Variants in TENM3 observed in about 807,000 individuals in gnomAD.
TENM3 encodes teneurin-3.
Under a neutral mutation model 255.1 loss-of-function variants are expected in TENM3, and 63 were observed. The ratio of observed to expected loss-of-function variants is 0.25; its 90% confidence interval spans 0.20 to 0.30. TENM3 has a LOEUF of 0.30. Ranked by LOEUF, TENM3 falls within the 10% of genes least tolerant of loss-of-function variation. TENM3 has a pLI of 1.00. For missense variants in TENM3, 2,929 were observed against 3,461.1 expected, an observed-to-expected ratio of 0.85 and a Z score of 3.86; for synonymous variants, 1,306 against 1,322.3, an observed-to-expected ratio of 0.99 and a Z score of 0.27.
Position 182,649,377 on chromosome 4 carries a change from A to T in TENM3, c.989-4394A>T, listed in dbSNP as rs1321853685. ...AAACACACTGATAAATATATATCTC[A>T]GATAGGCAGTATTGCTGTCATCTAC... On this transcript the variant is annotated intron_variant, in intron 5 of 27. Coordinates refer to ENST00000511685, the MANE Select transcript of TENM3 (RefSeq NM_001080477.4). 1.3e-5 allele frequency among the ~76,000 whole-genome samples: 2 copies of T among 150,572 alleles called. 1 individual carries two copies. The highest frequency in any genetic ancestry group is 3.0e-5 in the Non-Finnish European group (2 of 67,378).
At chr4:181,494,191 T>C in the TENM3 span, among the ~76,000 whole-genome samples, 1 of 152,248 alleles carries the variant, frequency 6.6e-6, no homozygotes, top group Non-Finnish European at 1.5e-5. Flanking sequence ...TAATGACTTA[T>C]ATTCTCCATC....
Position 182,553,264 on chromosome 4 carries a change from T to C in TENM3, c.512-47660T>C, listed in dbSNP as rs529788315. Among the ~76,000 whole-genome samples the C allele has an allele frequency of 7.2e-5, 11 of 151,858 alleles. No homozygotes were observed. The East Asian group carries it at 2.1e-3, about 30-fold the overall frequency. ...CAAGAGCCACCACGCCCAGCAGTGC[T>C]TCTATAGTCTTCATAAATCGTTTAG... On this transcript the variant is annotated intron_variant, in intron 3 of 27. Transcript: ENST00000511685.
At chr4:181,733,864 GC>G in the TENM3 span, among the ~76,000 whole-genome samples, 1 of 152,142 alleles carries the variant, frequency 6.6e-6, no homozygotes, top group African/African-American at 2.4e-5. Flanking sequence ...CTGACATTAT[GC>G]GTTTAAAAAT....
chr4:182,594,251 T>C (rs1746960521), intron 3 of TENM3, among the ~76,000 whole-genome samples: 1 of 152,202 alleles, frequency 6.6e-6, no homozygotes, highest in Admixed American at 6.5e-5. Context: ...ACAATCTTCC[T>C]GCCTCAACCT....
At chr4:181,675,371 T>C in the TENM3 span, among the ~76,000 whole-genome samples, 1 of 152,156 alleles carries the variant, frequency 6.6e-6, no homozygotes, top group African/African-American at 2.4e-5. Flanking sequence ...ATGGCCCTTT[T>C]TATTGTTTCA....
At chr4:181,848,063 G>T in the TENM3 span, among the ~76,000 whole-genome samples, 55 of 152,256 alleles carry the variant, frequency 3.6e-4, no homozygotes, top group Admixed American at 6.5e-4. Flanking sequence ...ATGAAATATA[G>T]TGACACTTTT....
chr4:182,798,965 G>A (rs1184476495), intron 27 of TENM3, among the ~76,000 whole-genome samples: 2 of 152,194 alleles, frequency 1.3e-5, no homozygotes, highest in African/African-American at 2.4e-5. Context: ...ACGGTCCACT[G>A]TCCCTAAGTC....
At chr4:182,770,601 G>A (rs901714332) in intron 22 of TENM3, among the ~76,000 whole-genome samples, 17 of 152,076 alleles carry the variant, frequency 1.1e-4, no homozygotes, top group Admixed American at 6.5e-5. Context: ...GTTCTATTCC[G>A]GGACCTGGCC....
chr4:181,779,271 A>C, the TENM3 span, among the ~76,000 whole-genome samples: 1 of 150,858 alleles, frequency 6.6e-6, no homozygotes, highest in East Asian at 1.9e-4. Context: ...TTATTTATTT[A>C]TTTATTTATT....
the TENM3 span, among the ~76,000 whole-genome samples, chr4:181,608,684 C>T: frequency 6.6e-6 from 1 of 152,218 alleles, no homozygotes; most frequent in Non-Finnish European, 1.5e-5. Context: ...GTCTGACTTC[C>T]CTTTGGTGTG....
chr4:182,296,771 AT>A (rs1014547632), intron 1 of TENM3, among the ~76,000 whole-genome samples: 3 of 151,916 alleles, frequency 2.0e-5, no homozygotes, highest in African/African-American at 4.8e-5. Context: ...AAAGAGCTCA[AT>A]TTTTTTTTCT....
the TENM3 span, among the ~76,000 whole-genome samples, chr4:181,974,322 C>A: frequency 6.6e-6 from 1 of 152,186 alleles, no homozygotes; most frequent in African/African-American, 2.4e-5. Context: ...AATCCCAGCA[C>A]TTTGGGATGC....
the TENM3 span, among the ~76,000 whole-genome samples, chr4:181,700,163 C>T: frequency 6.6e-6 from 1 of 151,970 alleles, no homozygotes; most frequent in Non-Finnish European, 1.5e-5. Context: ...ATAAAATGCT[C>T]ATGAAAATTG....
chr4:181,924,127 G>A, the TENM3 span, among the ~76,000 whole-genome samples: 1 of 152,112 alleles, frequency 6.6e-6, no homozygotes, highest in Non-Finnish European at 1.5e-5. Context: ...CTCTCTCTGG[G>A]ACAAAGAGCT....
At chr4:181,603,704 T>TA in the TENM3 span, among the ~76,000 whole-genome samples, 1 of 152,262 alleles carries the variant, frequency 6.6e-6, no homozygotes, top group South Asian at 2.1e-4. Flanking sequence ...TTGATAAGTA[T>TA]AAAAAAGCAT....
chr4:181,641,548 GTGTGTGTATATA>G, the TENM3 span, among the ~76,000 whole-genome samples: 3 of 14,418 alleles, frequency 2.1e-4, no homozygotes, highest in African/African-American at 8.7e-4. Context: ...ATTCCATGGT[GTGTGTGTATATA>G]TATATATATA....
chr4:182,037,980 T>C, the TENM3 span, among the ~76,000 whole-genome samples: 2 of 152,118 alleles, frequency 1.3e-5, no homozygotes, highest in African/African-American at 2.4e-5. Context: ...TACAGGTGCA[T>C]GCCACTGTGC....
intron 3 of TENM3, among the ~76,000 whole-genome samples, chr4:182,578,539 A>G (rs549249418): frequency 1.3e-5 from 2 of 152,226 alleles, no homozygotes; most frequent in East Asian, 1.9e-4. Flanking sequence ...CCAATACTAC[A>G]TGAGTCTCTC....
At chr4:181,811,502 G>T in the TENM3 span, among the ~76,000 whole-genome samples, 1 of 152,182 alleles carries the variant, frequency 6.6e-6, no homozygotes, top group Admixed American at 6.5e-5. Context: ...GAGTTAACTA[G>T]GTGTATTAGT....
Sources: allele counts gnomAD v4.1 joint callset (sites outside exome capture counted in the v4.1 genomes callset), GRCh38; gene constraint gnomAD v4.1.1; transcripts MANE v1.5; gene names NCBI Gene and HGNC (gene_info 2026-07-23, HGNC 2026-07-21).